Variants in KCNT2 observed in about 807,000 individuals in gnomAD.
The protein encoded by KCNT2 is potassium sodium-activated channel subfamily T member 2, also known as potassium channel subfamily T member 2.
Under a neutral mutation model 153.8 loss-of-function variants are expected in KCNT2, and 67 were observed. That is an observed-to-expected ratio of 0.44 (90% confidence interval 0.36 to 0.53). KCNT2 has a LOEUF of 0.53. KCNT2 is among the 20% of genes least tolerant of loss of function. The probability of loss-of-function intolerance (pLI) is 0.00; values close to 1 mark genes in which losing one functional copy is unlikely to be tolerated. For missense variants in KCNT2, 975 were observed against 1,354.8 expected (o/e 0.72, Z 4.40); for synonymous variants, 500 against 458.8 (o/e 1.09, Z -1.15).
intron 14 of KCNT2, among the ~76,000 whole-genome samples, chr1:196,351,301 G>C (rs868380367): frequency 7.2e-5 from 11 of 152,168 alleles, no homozygotes; most frequent in Middle Eastern, 3.4e-3. Flanking sequence ...GGGCAGTATG[G>C]CCATTTTCAC....
chr1:196,246,401 G>C (rs187336075), intron 26 of KCNT2, among the ~76,000 whole-genome samples: 2 of 152,172 alleles, frequency 1.3e-5, no homozygotes, highest in South Asian at 4.1e-4. Flanking sequence ...GAAAGAAAAG[G>C]ATGTTAAAAC....
chr1:196,298,056 C>A (rs1041847225), intron 22 of KCNT2, among the ~76,000 whole-genome samples: 2 of 152,086 alleles, frequency 1.3e-5, no homozygotes, highest in African/African-American at 4.8e-5. Flanking sequence ...TACCATATTT[C>A]TCCCAGAAGA....
chr1:196,294,794 T>G (rs1660528264), intron 22 of KCNT2, among the ~76,000 whole-genome samples: 1 of 149,514 alleles, frequency 6.7e-6, no homozygotes, highest in South Asian at 2.1e-4. Flanking sequence ...GAAAATATGA[T>G]ATATATATAT....
In KCNT2 at chr1:196,227,378, CT is replaced by C. The variant is rs1653567866; in HGVS notation, c.*845del. 6.6e-6 allele frequency: 1 copy of C among 152,100 alleles called. No individual in the cohort carries two copies. Among genetic ancestry groups the C allele is most frequent in the South Asian group, 2.1e-4 (1 of 4,822 alleles). The allele number at this position is 152,100 out of a possible 1,614,324, so 9.4% of individuals were successfully genotyped here. ...TTCAAGAGTCTAAGGACAATCATTA[CT>C]GTATATTTCAAGATATCCAGTTAAT... On this transcript the variant is annotated 3_prime_UTR_variant, in exon 28 of 28. Coordinates refer to ENST00000294725, the MANE Select transcript of KCNT2 (RefSeq NM_198503.5).
intron 8 of KCNT2, among the ~76,000 whole-genome samples, chr1:196,460,291 C>G (rs1380909960): frequency 6.6e-6 from 1 of 151,686 alleles, no homozygotes; most frequent in Non-Finnish European, 1.5e-5. Flanking sequence ...TACACTCTGG[C>G]TTATAACTGT....
chr1:196,512,365 A>G (rs1030404942), intron 1 of KCNT2, among the ~76,000 whole-genome samples: 6 of 152,086 alleles, frequency 3.9e-5, no homozygotes, highest in South Asian at 4.1e-4. Context: ...CCCCAAACTC[A>G]TATATTAATT....
intron 1 of KCNT2, among the ~76,000 whole-genome samples, chr1:196,570,576 C>A (rs1469431928): frequency 2.0e-5 from 3 of 152,006 alleles, no homozygotes; most frequent in Non-Finnish European, 4.4e-5. Context: ...AAGTAGGATT[C>A]TCTAAACAAG....
intron 21 of KCNT2, 107 bp downstream of exon 21, chr1:196,315,785 C>A: frequency 3.2e-6 from 3 of 934,908 alleles, no homozygotes; most frequent in Non-Finnish European, 4.6e-6. Flanking sequence ...AATAAATGAA[C>A]ATAAAGTTGG....
chr1:196,593,812 C>T (rs534969400), intron 1 of KCNT2, among the ~76,000 whole-genome samples: 4 of 152,056 alleles, frequency 2.6e-5, no homozygotes, highest in South Asian at 2.1e-4. Flanking sequence ...ACCTTCTATT[C>T]GAATACTTAG....
At chr1:196,603,259 T>C (rs1664957698) in intron 1 of KCNT2, among the ~76,000 whole-genome samples, 2 of 152,206 alleles carry the variant, frequency 1.3e-5, no homozygotes, top group African/African-American at 4.8e-5. Flanking sequence ...GCATAGTTGA[T>C]GCCACTATCG....
At chr1:196,341,465 T>C (rs1358438791) in intron 15 of KCNT2, among the ~76,000 whole-genome samples, 1 of 152,042 alleles carries the variant, frequency 6.6e-6, no homozygotes, top group Non-Finnish European at 1.5e-5. Flanking sequence ...GTACATTACA[T>C]AATAGATTAG....
At chr1:196,505,477 G>T (rs1558018839) in intron 1 of KCNT2, among the ~76,000 whole-genome samples, 1 of 149,898 alleles carries the variant, frequency 6.7e-6, no homozygotes, top group Non-Finnish European at 1.5e-5. Flanking sequence ...TGCTGTTTTG[G>T]TTACTGTAGC....
chr1:196,553,859 A>G (rs928291618), intron 1 of KCNT2, among the ~76,000 whole-genome samples: 2 of 151,338 alleles, frequency 1.3e-5, no homozygotes, highest in Non-Finnish European at 3.0e-5. Flanking sequence ...ATAGATATTA[A>G]GCAGTATGTG....
intron 8 of KCNT2, among the ~76,000 whole-genome samples, chr1:196,458,007 C>T (rs1038693583): frequency 6.6e-6 from 1 of 151,840 alleles, no homozygotes; most frequent in Non-Finnish European, 1.5e-5. Context: ...GCAGATAACG[C>T]ACGAGACTAA....
intron 1 of KCNT2, among the ~76,000 whole-genome samples, chr1:196,552,589 C>T (rs1658061047): frequency 6.6e-6 from 1 of 151,386 alleles, no homozygotes. Context: ...GTATAAAACT[C>T]ACTGGAAATA....
At chr1:196,252,785 A>G (rs888408562) in intron 26 of KCNT2, among the ~76,000 whole-genome samples, 3 of 151,366 alleles carry the variant, frequency 2.0e-5, no homozygotes, top group South Asian at 2.1e-4. Flanking sequence ...TTGTTTGTCT[A>G]AAAATATTAT....
At chr1:196,291,566 A>G (rs1318466476) in intron 22 of KCNT2, among the ~76,000 whole-genome samples, 2 of 152,118 alleles carry the variant, frequency 1.3e-5, no homozygotes, top group Non-Finnish European at 2.9e-5. Flanking sequence ...ATTAATACTT[A>G]GTATTTCCTA....
Position 196,428,126 on chromosome 1 carries a change from G to A in KCNT2, c.963C>T (p.Phe321=). 2 of 1,612,142 alleles carry A rather than the reference G, an allele frequency of 1.2e-6. No homozygotes were observed. The highest frequency in any genetic ancestry group is 1.7e-6 in the Non-Finnish European group (2 of 1,178,766). ...GTACCTGGAGCCTAGGATGAGCATA[G>A]AATTCATTTAAAAAATCCATAAGTA... ...IDLLMDFLNE[F]YAHPRLQDYY... Residue 321 remains phenylalanine, a synonymous_variant, in exon 10 of 28, where the codon TTC becomes TTT. Coordinates refer to ENST00000294725, the MANE Select transcript of KCNT2 (RefSeq NM_198503.5).
At chr1:196,367,918 T>C (rs1467339508) in intron 14 of KCNT2, among the ~76,000 whole-genome samples, 2 of 152,154 alleles carry the variant, frequency 1.3e-5, no homozygotes, top group Admixed American at 1.3e-4. Context: ...TTCCATCTTC[T>C]TACCTAGAAG....
Sources: gnomAD v4.1 joint callset for allele counts (sites outside exome capture counted in the v4.1 genomes callset) on GRCh38, gnomAD v4.1.1 for gene constraint, MANE v1.5 for transcripts, NCBI Gene and HGNC (gene_info 2026-07-23, HGNC 2026-07-21) for gene names.